The following ARHGAP18 variants were observed in gnomAD, a reference collection of about 807,000 sequenced individuals.
The protein encoded by ARHGAP18 is Rho GTPase activating protein 18.
ARHGAP18 carries 67 observed loss-of-function variants against 86.2 expected under a neutral mutation model. The ratio of observed to expected loss-of-function variants is 0.78; its 90% CI spans 0.64 to 0.95. The LOEUF is 0.95. Ranked by LOEUF, ARHGAP18 falls within the 40% of genes least tolerant of loss-of-function variation. The probability of loss-of-function intolerance (pLI) is 0.00; values close to 1 mark genes in which losing one functional copy is unlikely to be tolerated. For synonymous variants in ARHGAP18, 283 were observed against 280.4 expected, an observed-to-expected ratio of 1.01 and a Z score of -0.09; for missense variants, 691 against 780.4, an observed-to-expected ratio of 0.89 and a Z score of 1.37.
At chr6:129,612,679 T>A (rs563000428) in intron 7 of ARHGAP18, among the ~76,000 whole-genome samples, 17 of 152,312 alleles carry the variant, frequency 1.1e-4, no homozygotes, top group Non-Finnish European at 1.8e-4. Context: ...GAGCAAAGCA[T>A]CATAAATGAG....
chr6:129,693,039 C>G lies in ARHGAP18; in HGVS notation c.113+16985G>C, dbSNP rs191848631. ...TAGAACCTTTGGGTCTGTGGTAGGC[C>G]AAGACTTTAATGTCCTTCTGTCCCC... is the stretch of plus-strand genomic sequence containing the variant. On this transcript the variant is annotated intron_variant, in intron 1 of 14. Transcript: ENST00000368149. 3.8e-4 allele frequency among the ~76,000 whole-genome samples: 58 copies of G among 152,244 alleles called. 1 individual carries two copies. The East Asian group carries it at 0.01, about 26-fold the overall frequency.
At chr6:129,589,895 T>C (rs1458506275) in intron 12 of ARHGAP18, among the ~76,000 whole-genome samples, 1 of 152,178 alleles carries the variant, frequency 6.6e-6, no homozygotes, top group East Asian at 1.9e-4. Context: ...CTTCAGTCTG[T>C]GGCTGAAGGT....
intron 8 of ARHGAP18, among the ~76,000 whole-genome samples, chr6:129,608,508 C>A (rs1472214452): frequency 6.6e-6 from 1 of 152,112 alleles, no homozygotes; most frequent in Non-Finnish European, 1.5e-5. Flanking sequence ...CAGAAGGCTA[C>A]CTCTGATTAG....
chr6:129,580,483 C>G (rs1788265528), intron 13 of ARHGAP18, among the ~76,000 whole-genome samples: 1 of 152,150 alleles, frequency 6.6e-6, no homozygotes, highest in Admixed American at 6.5e-5. Flanking sequence ...CCTCATAAAA[C>G]TATTAAATGT....
At chr6:129,693,376 T>G (rs1331864589) in intron 1 of ARHGAP18, among the ~76,000 whole-genome samples, 3 of 152,352 alleles carry the variant, frequency 2.0e-5, no homozygotes, top group Non-Finnish European at 4.4e-5. Flanking sequence ...ATATCTTGTT[T>G]CTGTGTCATG....
intron 1 of ARHGAP18, among the ~76,000 whole-genome samples, chr6:129,698,280 G>T (rs1774653286): frequency 6.6e-6 from 1 of 152,032 alleles, no homozygotes; most frequent in African/African-American, 2.4e-5. Context: ...TAAAATTTAA[G>T]ATATCCCATG....
intron 1 of ARHGAP18, among the ~76,000 whole-genome samples, chr6:129,674,421 CTG>C (rs1168670478): frequency 6.6e-6 from 1 of 152,174 alleles, no homozygotes; most frequent in Non-Finnish European, 1.5e-5. Flanking sequence ...AATTATTTTT[CTG>C]TGACACGACT....
Position 129,638,635 on chromosome 6 carries a change from A to T in ARHGAP18, c.317-6T>A. The T allele has an allele frequency of 6.2e-7, 1 of 1,608,338 alleles. No homozygotes were observed. Among genetic ancestry groups the T allele is most frequent in the Non-Finnish European group, 8.5e-7 (1 of 1,177,736 alleles). ...CTCTTCTTCCAATTCTCCCTCTAAG[A>T]CAGTAGAGAAAAGTGGTACTTAAAT... On this transcript the variant is annotated splice_region_variant and splice_polypyrimidine_tract_variant and intron_variant, in intron 2 of 14. Transcript: ENST00000368149.
intron 12 of ARHGAP18, 82 bp downstream of exon 12, chr6:129,599,134 T>G: frequency 5.9e-6 from 7 of 1,193,860 alleles, no homozygotes; most frequent in Non-Finnish European, 7.7e-6. Flanking sequence ...AAAGTCATAC[T>G]ATGAAAACAT....
intron 1 of ARHGAP18, among the ~76,000 whole-genome samples, chr6:129,692,831 G>C (rs1350959705): frequency 3.3e-5 from 5 of 152,152 alleles, no homozygotes; most frequent in Non-Finnish European, 7.3e-5. Context: ...GAGCTGCAGT[G>C]AGTTGATCAC....
chr6:129,605,960 C>A lies in ARHGAP18; in HGVS notation c.1283-1G>T, dbSNP rs1748295609. Reference sequence around the variant, plus strand: ...AGTTGCTGCTTCTTGGTTGGAAGATCTGCAGACAAATTAAATAAATCTGAA... The same window carrying A: ...AGTTGCTGCTTCTTGGTTGGAAGATATGCAGACAAATTAAATAAATCTGAA... On this transcript the variant is annotated splice_acceptor_variant, in intron 9 of 14. Transcript: ENST00000368149. LOFTEE classifies it high-confidence loss of function. 1 of 1,612,710 alleles carries A rather than the reference C, an allele frequency of 6.2e-7. No homozygotes were observed.
At chr6:129,627,413 TC>T (rs1789502166) in intron 5 of ARHGAP18, among the ~76,000 whole-genome samples, 1 of 151,998 alleles carries the variant, frequency 6.6e-6, no homozygotes, top group African/African-American at 2.4e-5. Context: ...ATTATGAGCT[TC>T]CCAACAGAAA....
At chr6:129,625,136 T>TATATTATATAGATATATATG (rs1194611528) in intron 5 of ARHGAP18, among the ~76,000 whole-genome samples, 14 of 5,796 alleles carry the variant, frequency 2.4e-3, no homozygotes, top group African/African-American at 0.011. Context: ...TTATATATGA[T>TATATTATATAGATATATATG]ATATATTATA....
intron 1 of ARHGAP18, among the ~76,000 whole-genome samples, chr6:129,707,333 T>C (rs940934609): frequency 1.3e-5 from 2 of 152,200 alleles, no homozygotes; most frequent in African/African-American, 4.8e-5. Context: ...AACTAAATAT[T>C]GGATTAAATA....
chr6:129,626,299 A>T (rs1370067169), intron 5 of ARHGAP18, among the ~76,000 whole-genome samples: 3 of 151,986 alleles, frequency 2.0e-5, no homozygotes, highest in Non-Finnish European at 2.9e-5. Flanking sequence ...AGGTGGAAGA[A>T]ACTGTGCATA....
chr6:129,705,635 A>G (rs1167443196), intron 1 of ARHGAP18, among the ~76,000 whole-genome samples: 1 of 152,240 alleles, frequency 6.6e-6, no homozygotes, highest in Non-Finnish European at 1.5e-5. Flanking sequence ...ACAAAATAAT[A>G]TTCAGAAAAA....
intron 12 of ARHGAP18, among the ~76,000 whole-genome samples, chr6:129,597,401 G>A (rs1330588680): frequency 6.6e-6 from 1 of 152,060 alleles, no homozygotes; most frequent in East Asian, 1.9e-4. Flanking sequence ...CCTCCACCAT[G>A]GGCTGTGATG....
intron 1 of ARHGAP18, among the ~76,000 whole-genome samples, chr6:129,701,197 T>G (rs2114555758): frequency 6.6e-6 from 1 of 152,354 alleles, no homozygotes. Context: ...CTGCATAATT[T>G]TTTAACATTC....
chr6:129,609,805 G>A (rs1584043224), intron 8 of ARHGAP18, among the ~76,000 whole-genome samples: 1 of 152,030 alleles, frequency 6.6e-6, no homozygotes, highest in Non-Finnish European at 1.5e-5. Flanking sequence ...CAGGTTACTC[G>A]AATCCTATTA....
Sources: gnomAD v4.1 joint callset for allele counts (sites outside exome capture counted in the v4.1 genomes callset) on GRCh38, gnomAD v4.1.1 for gene constraint, MANE v1.5 for transcripts, NCBI Gene and HGNC (gene_info 2026-07-23, HGNC 2026-07-21) for gene names.